KCNN2: variants seen among roughly 807,000 people sequenced by gnomAD.
KCNN2 encodes small conductance calcium-activated potassium channel protein 2.
In KCNN2, 24 loss-of-function variants were observed where a neutral mutation model predicts 55.5. The ratio of observed to expected loss-of-function variants is 0.43; its 90% confidence interval spans 0.31 to 0.61. The LOEUF is 0.61. KCNN2 is among the 20% of genes least tolerant of loss of function. The probability of loss-of-function intolerance (pLI) is 0.08; values close to 1 mark genes in which losing one functional copy is unlikely to be tolerated. For missense variants in KCNN2, 754 were observed against 853.6 expected, an observed-to-expected ratio of 0.88 and a Z score of 1.45; for synonymous variants, 431 against 336.1, an observed-to-expected ratio of 1.28 and a Z score of -3.09.
intron 1 of KCNN2, among the ~76,000 whole-genome samples, chr5:114,089,156 C>G (rs1387712766): frequency 6.6e-6 from 1 of 152,026 alleles, no homozygotes; most frequent in Non-Finnish European, 1.5e-5. Flanking sequence ...ATGCTAGATA[C>G]TATAAATGGT....
At chr5:114,257,651 G>C (rs906859038) in intron 2 of KCNN2, among the ~76,000 whole-genome samples, 1 of 152,022 alleles carries the variant, frequency 6.6e-6, no homozygotes, top group Non-Finnish European at 1.5e-5. Flanking sequence ...TTCTCAGCTT[G>C]ATTGTTATAG....
At chr5:114,219,310 C>T (rs1754081321) in intron 1 of KCNN2, among the ~76,000 whole-genome samples, 1 of 152,178 alleles carries the variant, frequency 6.6e-6, no homozygotes, top group Non-Finnish European at 1.5e-5. Context: ...GTGTGACAGC[C>T]TTTTGTATCT....
chr5:114,060,455 G>A (rs971153152), intron 1 of KCNN2, among the ~76,000 whole-genome samples: 1 of 152,216 alleles, frequency 6.6e-6, no homozygotes, highest in Non-Finnish European at 1.5e-5. Flanking sequence ...GTGAAAGGGT[G>A]CAAGGAAGGA....
chr5:114,496,134 G>T lies in KCNN2; in HGVS notation c.2328G>T (p.Arg776Ser). ...AGCGGTCCCGGTCCTCGTCCAGGAG[G>T]CGGCGGTCCTCTTCCACAGCACCAC... ...NAERSRSSSR[R>S]RRSSSTAPPT... Residue 776 changes from arginine to serine, a missense_variant, in exon 8 of 8, where the codon AGG becomes AGT. Arg to Ser is a moderately radical substitution (Grantham distance 110). This residue lies in a region of KCNN2 where 164 missense variants were observed against 156.6 expected (regional missense o/e 1.05). Coordinates refer to ENST00000673685, the MANE Select transcript of KCNN2 (RefSeq NM_021614.4). The T allele has an allele frequency of 6.2e-7, 1 of 1,614,032 alleles. No homozygotes were observed. Among genetic ancestry groups the T allele is most frequent in the Non-Finnish European group, 8.5e-7 (1 of 1,179,964 alleles).
intron 1 of KCNN2, among the ~76,000 whole-genome samples, chr5:114,215,911 T>A (rs1753991023): frequency 1.3e-5 from 2 of 152,140 alleles, no homozygotes; most frequent in South Asian, 2.1e-4. Context: ...ACATTCTAGT[T>A]CTCTACCACA....
chr5:114,093,490 C>T (rs1334605688), intron 1 of KCNN2, among the ~76,000 whole-genome samples: 1 of 152,096 alleles, frequency 6.6e-6, no homozygotes, highest in Non-Finnish European at 1.5e-5. Context: ...AACAGTGCCC[C>T]ACTCCCAGTA....
intron 1 of KCNN2, among the ~76,000 whole-genome samples, chr5:114,124,418 A>G (rs1410521361): frequency 6.6e-6 from 1 of 152,150 alleles, no homozygotes; most frequent in Non-Finnish European, 1.5e-5. Context: ...ACCGTATGGA[A>G]CTTGGAGAAT....
Position 114,255,166 on chromosome 5 carries a change from AG to A in KCNN2, c.-185+33602del, listed in dbSNP as rs1387199573. On this transcript the variant is annotated intron_variant, in intron 2 of 10. Transcript: ENST00000512097. The stretch of plus-strand genomic sequence containing the variant: ...CGGTGAAAGGCACATGGGTATACAA[AG>A]AGAAAAATGCCAGATGTCTTCCCTC... Among the ~76,000 whole-genome samples, 4 of 152,340 alleles carry A rather than the reference AG, an allele frequency of 2.6e-5. No homozygotes were observed. In the South Asian group the frequency reaches 6.2e-4, roughly 24 times the overall value.
intron 1 of KCNN2, among the ~76,000 whole-genome samples, chr5:114,202,284 G>C (rs1753688097): frequency 6.6e-6 from 1 of 151,864 alleles, no homozygotes; most frequent in African/African-American, 2.4e-5. Flanking sequence ...AGTGGGCTGA[G>C]GGTTTCTCTC....
intron 2 of KCNN2, among the ~76,000 whole-genome samples, chr5:114,340,361 T>G (rs1756994174): frequency 6.6e-6 from 1 of 152,178 alleles, no homozygotes; most frequent in African/African-American, 2.4e-5. Flanking sequence ...CCACTGATTA[T>G]GTGCCAAATG....
chr5:114,350,677 A>G (rs1338002004), intron 2 of KCNN2, among the ~76,000 whole-genome samples: 2 of 151,908 alleles, frequency 1.3e-5, no homozygotes, highest in Non-Finnish European at 2.9e-5. Flanking sequence ...GCATGTGAAT[A>G]TCCAGTTTTC....
intron 5 of KCNN2, 52 bp downstream of exon 5, chr5:114,473,216 G>T: frequency 8.4e-7 from 1 of 1,187,762 alleles, no homozygotes; most frequent in Non-Finnish European, 1.2e-6. Context: ...GATTTTTTCA[G>T]TGTTAGGAAA....
At chr5:114,103,453 C>CA (rs1751414598) in intron 1 of KCNN2, among the ~76,000 whole-genome samples, 1 of 152,052 alleles carries the variant, frequency 6.6e-6, no homozygotes, top group African/African-American at 2.4e-5. Context: ...CCAGAACTTC[C>CA]AATACTATGT....
chr5:114,287,373 G>T (rs184597868), intron 2 of KCNN2, among the ~76,000 whole-genome samples: 2 of 152,216 alleles, frequency 1.3e-5, no homozygotes, highest in East Asian at 3.9e-4. Flanking sequence ...GATAGACTGG[G>T]TAAAGAAAAT....
intron 7 of KCNN2, among the ~76,000 whole-genome samples, chr5:114,494,030 AAC>A (rs1379974169): frequency 6.6e-6 from 1 of 152,154 alleles, no homozygotes; most frequent in African/African-American, 2.4e-5. Flanking sequence ...AAAGTACATT[AAC>A]AGTCTCCAAA....
At chr5:114,410,005 G>C (rs755624692) in intron 3 of KCNN2, among the ~76,000 whole-genome samples, 1 of 152,116 alleles carries the variant, frequency 6.6e-6, no homozygotes, top group Non-Finnish European at 1.5e-5. Flanking sequence ...TCTTTCTCTG[G>C]TTATGGTTTG....
chr5:114,391,120 T>C (rs1758439818), intron 2 of KCNN2, among the ~76,000 whole-genome samples: 1 of 152,106 alleles, frequency 6.6e-6, no homozygotes, highest in South Asian at 2.1e-4. Flanking sequence ...AATACTTCTT[T>C]CAAAAATAGG....
chr5:114,364,712 T>TA (rs1757551028), intron 2 of KCNN2, among the ~76,000 whole-genome samples: 1 of 152,164 alleles, frequency 6.6e-6, no homozygotes, highest in Non-Finnish European at 1.5e-5. Flanking sequence ...CTATAAAACT[T>TA]ACGGGTCATC....
At chr5:114,381,360 A>T (rs975787155) in intron 2 of KCNN2, among the ~76,000 whole-genome samples, 18 of 152,290 alleles carry the variant, frequency 1.2e-4, no homozygotes, top group Middle Eastern at 3.4e-3. Context: ...GCTGTATTGA[A>T]AGAGACAGAT....
Sources: allele counts gnomAD v4.1 joint callset (sites outside exome capture counted in the v4.1 genomes callset), GRCh38; gene constraint gnomAD v4.1.1; regional missense constraint gnomAD v4.1.1; transcripts MANE v1.5; gene names NCBI Gene and HGNC (gene_info 2026-07-23, HGNC 2026-07-21).